Variants in BMP3 observed in about 807,000 individuals in gnomAD.
The protein encoded by BMP3 is bone morphogenetic protein 3, also known as bone morphogenetic protein 3 (osteogenic).
A neutral mutation model predicts 38.1 loss-of-function variants in BMP3; 23 were observed. The observed-to-expected ratio is 0.60, with a 90% CI of 0.43 to 0.86. The LOEUF (loss-of-function observed/expected upper bound fraction) is 0.86, where lower values mean the gene tolerates loss of function less well. Ranked by LOEUF, BMP3 falls within the 40% of genes least tolerant of loss-of-function variation. BMP3 has a pLI of 0.00. For missense variants in BMP3, 628 were observed against 579.6 expected (o/e 1.08, Z -0.86); for synonymous variants, 258 against 225.7 (o/e 1.14, Z -1.28).
intron 1 of BMP3, among the ~76,000 whole-genome samples, chr4:81,033,001 ATACT>A (rs1443033101): frequency 3.9e-5 from 6 of 152,210 alleles, no homozygotes; most frequent in African/African-American, 1.4e-4. Context: ...ACACCAGTGA[ATACT>A]CTGTTTACTT....
rs10024448 is a variant in BMP3 at position 81,049,885 on chromosome 4, G to A, written c.1227+3237G>A. 2.4e-3 allele frequency among the ~76,000 whole-genome samples: 365 copies of A among 152,290 alleles called. 2 individuals carry two copies. The highest frequency in any genetic ancestry group is 3.4e-3 in the Middle Eastern group (1 of 294). Reference sequence around the variant, plus strand: ...GGTGCCAAAGACCTTTCAGACTTTAGATATAGTTTTTGCCCCAGAGAAAGT... The same window carrying A: ...GGTGCCAAAGACCTTTCAGACTTTAAATATAGTTTTTGCCCCAGAGAAAGT... On this transcript the variant is annotated intron_variant, in intron 2 of 2. Coordinates refer to ENST00000282701, the MANE Select transcript of BMP3 (RefSeq NM_001201.5).
intron 1 of BMP3, among the ~76,000 whole-genome samples, chr4:81,033,275 G>C (rs1459055374): frequency 6.6e-6 from 1 of 152,166 alleles, no homozygotes; most frequent in South Asian, 2.1e-4. Context: ...TTTCATTCAC[G>C]TATTGTATAG....
chr4:81,051,055 G>A (rs1740389843), intron 2 of BMP3, among the ~76,000 whole-genome samples: 1 of 151,748 alleles, frequency 6.6e-6, no homozygotes, highest in African/African-American at 2.4e-5. Context: ...AGTAATCTGA[G>A]AGGTTCCTGA....
At chr4:81,053,209 A>T in intron 2 of BMP3, 136 bp from the exon 3 acceptor site, 1 of 560,014 alleles carries the variant, frequency 1.8e-6, no homozygotes, top group Non-Finnish European at 2.9e-6. Flanking sequence ...GATTGGGCTT[A>T]ATGTATAATG....
At chr4:81,034,404 G>C (rs943336404) in intron 1 of BMP3, among the ~76,000 whole-genome samples, 3 of 152,130 alleles carry the variant, frequency 2.0e-5, no homozygotes, top group Non-Finnish European at 4.4e-5. Context: ...CATTTATTTT[G>C]ATTTTGGTTT....
intron 2 of BMP3, among the ~76,000 whole-genome samples, chr4:81,051,842 G>GA (rs1421376834): frequency 6.6e-6 from 1 of 151,482 alleles, no homozygotes; most frequent in Non-Finnish European, 1.5e-5. Flanking sequence ...AAATCTCTAG[G>GA]AAAAAAAAGT....
chr4:81,030,982 G>C lies in BMP3; in HGVS notation c.-303G>C, dbSNP rs575956363. ...GTACAGACAGATCTTGAAAACACCC[G>C]GGCCACACACGCCGCGACCTACAGC... On this transcript the variant is annotated 5_prime_UTR_variant, in exon 1 of 3. Transcript: ENST00000282701. The C allele has an allele frequency of 2.6e-6, 1 of 390,870 alleles. No homozygotes were observed. The highest frequency in any genetic ancestry group is 4.6e-6 in the Non-Finnish European group (1 of 218,524). The allele number at this position is 390,870 out of a possible 1,614,324, so 24.2% of individuals were successfully genotyped here. A position where few individuals can be genotyped will look rare whatever the true frequency, so the allele number is the denominator to read the frequency against.
intron 1 of BMP3, among the ~76,000 whole-genome samples, chr4:81,036,646 G>A (rs1324275553): frequency 6.6e-6 from 1 of 151,890 alleles, no homozygotes; most frequent in African/African-American, 2.4e-5. Context: ...ATGAATCCAT[G>A]AAAATAGAAT....
rs547394541 is a variant in BMP3, at chr4:81,057,001, C to G, written c.*3465C>G. 6.6e-6 allele frequency: 1 copy of G among 152,600 alleles called. No homozygotes were observed. Among genetic ancestry groups the G allele is most frequent in the Non-Finnish European group, 1.5e-5 (1 of 67,994 alleles). The allele number at this position is 152,600 out of a possible 1,614,324, so 9.5% of individuals were successfully genotyped here. On this transcript the variant is annotated 3_prime_UTR_variant, in exon 3 of 3. Transcript: ENST00000282701. ...GTTGGGTTAGGCATAGCTATGCACACCTGATGTGTAAGATTAAAGAAGAGA... is the reference window on the plus strand; with the variant it reads ...GTTGGGTTAGGCATAGCTATGCACAGCTGATGTGTAAGATTAAAGAAGAGA...
chr4:81,031,680 C>A (rs959667763), intron 1 of BMP3, 80 bp downstream of exon 1: 2 of 1,438,228 alleles, frequency 1.4e-6, no homozygotes, highest in Non-Finnish European at 1.8e-6. Context: ...TCCTTGTCTG[C>A]CCCTTGCTTG....
intron 1 of BMP3, among the ~76,000 whole-genome samples, chr4:81,032,044 G>A (rs1043250770): frequency 1.3e-5 from 2 of 151,944 alleles, no homozygotes; most frequent in Non-Finnish European, 2.9e-5. Context: ...CCAATGCCAG[G>A]ACCCGAGAGA....
At position 81,046,531 on chromosome 4, in the gene BMP3, C is replaced by G; in HGVS notation, c.1110C>G (p.Cys370Trp). ...AGCAGTGGATTGAACCTCGGAATTG[C>G]GCCAGGAGATACCTCAAGGTAGACT... ...RRKQWIEPRN[C>W]ARRYLKVDFA... is the part of the protein sequence containing the mutation. Residue 370 changes from cysteine to tryptophan, a missense_variant, in exon 2 of 3, where the codon TGC (cysteine) becomes TGG (tryptophan). Cys to Trp is a radical substitution (Grantham distance 215). Transcript: ENST00000282701. The G allele has an allele frequency of 6.2e-7, 1 of 1,614,108 alleles. No homozygotes were observed.
At chr4:81,052,398 T>C (rs1206939241) in intron 2 of BMP3, among the ~76,000 whole-genome samples, 3 of 152,224 alleles carry the variant, frequency 2.0e-5, no homozygotes, top group Non-Finnish European at 4.4e-5. Flanking sequence ...CAAAAATGAC[T>C]GTTCCTTTAG....
At chr4:81,049,116 CAGT>C (rs1259833357) in intron 2 of BMP3, among the ~76,000 whole-genome samples, 1 of 152,064 alleles carries the variant, frequency 6.6e-6, no homozygotes, top group African/African-American at 2.4e-5. Flanking sequence ...AAAAATGAGA[CAGT>C]AGAGCACCTT....
Position 81,046,539 on chromosome 4 carries a change from G to C in BMP3, c.1118G>C (p.Arg373Thr). The C allele has an allele frequency of 1.9e-6, 3 of 1,614,154 alleles. No individual in the cohort carries two copies. The highest frequency in any genetic ancestry group is 1.1e-5 in the South Asian group (1 of 91,084). The change falls in exon 2 of 3, where the codon AGA becomes ACA. Residue 373 changes from arginine (R) to threonine (T), a missense_variant. Arg to Thr is a moderately conservative substitution (Grantham distance 71). Transcript: ENST00000282701. ...QWIEPRNCAR[R>T]YLKVDFADIG... ...ATTGAACCTCGGAATTGCGCCAGGA[G>C]ATACCTCAAGGTAGACTTTGCAGAT...
rs567128838 is a variant in BMP3 at position 81,047,256 on chromosome 4, A to G, written c.1227+608A>G. Among the ~76,000 whole-genome samples, 3 of 152,284 alleles carry G rather than the reference A, an allele frequency of 2.0e-5. No homozygotes were observed. In the East Asian group the frequency reaches 5.8e-4, roughly 29 times the overall value. ...GCAACATAGAATATGATGACTCTGT[A>G]AACTTTTGCCAAGACTAATTTCAAC... On this transcript the variant is annotated intron_variant, in intron 2 of 2. Coordinates refer to ENST00000282701, the MANE Select transcript of BMP3 (RefSeq NM_001201.5).
rs1740491752 is a variant in BMP3, at chr4:81,054,412, T to A, written c.*876T>A. Reference sequence around the variant, plus strand: ...TTGTACTTCTTTTTCACAAATGCTTTTATTTATTCTAAATTGAATTTAAAA... The same window carrying A: ...TTGTACTTCTTTTTCACAAATGCTTATATTTATTCTAAATTGAATTTAAAA... On this transcript the variant is annotated 3_prime_UTR_variant, in exon 3 of 3. Transcript: ENST00000282701. 1 of 152,320 alleles carries A rather than the reference T, an allele frequency of 6.6e-6. No homozygotes were observed. The highest frequency in any genetic ancestry group is 1.5e-5 in the Non-Finnish European group (1 of 68,034). 9.4% of individuals were successfully genotyped at this position (152,320 alleles called of 1,614,324 possible). A position where few individuals can be genotyped will look rare whatever the true frequency, so the allele number is the denominator to read the frequency against.
At chr4:81,040,126 T>TA (rs1337872517) in intron 1 of BMP3, among the ~76,000 whole-genome samples, 1 of 152,126 alleles carries the variant, frequency 6.6e-6, no homozygotes, top group Non-Finnish European at 1.5e-5. Context: ...TCTCAGGTGT[T>TA]AAAACTCTAG....
chr4:81,045,873 G>T lies in BMP3; in HGVS notation c.452G>T (p.Gly151Val), dbSNP rs746162607. The T allele has an allele frequency of 1.9e-6, 3 of 1,614,110 alleles. No individual in the cohort carries two copies. Among genetic ancestry groups the T allele is most frequent in the Non-Finnish European group, 2.5e-6 (3 of 1,180,008 alleles). ...NISLSCPVSG[G>V]CSHHAQRKHI... is the part of the protein sequence containing the mutation. ...AGCCTGAGTTGTCCAGTGTCTGGAG[G>T]ATGCTCCCATCATGCTCAGAGGAAA... is the stretch of plus-strand genomic sequence containing the variant. Residue 151 changes from glycine to valine, a missense_variant, in exon 2 of 3, where the codon GGA (glycine) becomes GTA (valine). Physicochemically the swap from Gly to Val is moderately radical, Grantham distance 109. Transcript: ENST00000282701.
Sources: allele counts gnomAD v4.1 joint callset (sites outside exome capture counted in the v4.1 genomes callset), GRCh38; gene constraint gnomAD v4.1.1; transcripts MANE v1.5; gene names NCBI Gene and HGNC (gene_info 2026-07-23, HGNC 2026-07-21).